ZP3: variants seen among roughly 807,000 people sequenced by gnomAD.
ZP3 encodes the protein zona pellucida sperm-binding protein 3.
A neutral mutation model predicts 35.6 loss-of-function variants in ZP3; 21 were observed. That is an observed-to-expected ratio of 0.59 (90% CI 0.42 to 0.85). ZP3 has a LOEUF of 0.85. Ranked by LOEUF, ZP3 falls within the 40% of genes least tolerant of loss-of-function variation. The probability of loss-of-function intolerance (pLI) is 0.00; values close to 1 mark genes in which losing one functional copy is unlikely to be tolerated. For missense variants in ZP3, 437 were observed against 536.5 expected (o/e 0.81, Z 1.83); for synonymous variants, 207 against 214.5 (o/e 0.96, Z 0.31).
chr7:76,398,866 G>T, intron 1 of ZP3: 2 of 1,546,536 alleles, frequency 1.3e-6, no homozygotes, highest in South Asian at 1.1e-5. Flanking sequence ...GGTGTTTAAG[G>T]GGCAGGAGGA....
At chr7:76,430,338 G>C (rs147268678) in intron 2 of ZP3, among the ~76,000 whole-genome samples, 198 of 152,342 alleles carry the variant, frequency 1.3e-3, no homozygotes, top group African/African-American at 4.5e-3. Flanking sequence ...CCTGAAGTGG[G>C]AGGAGAAACT....
intron 1 of ZP3, among the ~76,000 whole-genome samples, chr7:76,412,962 C>CTTTTTTTTTTTTTTTTTTTTTTTTTT (rs201143080): frequency 8.8e-6 from 1 of 113,760 alleles, no homozygotes; most frequent in Non-Finnish European, 1.7e-5. Flanking sequence ...TCTTCTTCTT[C>CTTTTTTTTTTTTTTTTTTTTTTTTTT]TTCTTTTTTT....
intron 1 of ZP3, among the ~76,000 whole-genome samples, chr7:76,428,062 C>T (rs1388183913): frequency 1.3e-5 from 2 of 151,584 alleles, no homozygotes; most frequent in Non-Finnish European, 2.9e-5. Context: ...CATGGTGGCT[C>T]ACACCTGTAA....
chr7:76,422,975 C>T (rs1334576280), upstream of ZP3, among the ~76,000 whole-genome samples: 9 of 136,332 alleles, frequency 6.6e-5, no homozygotes, highest in South Asian at 4.7e-4. Context: ...CCAGCCTGGG[C>T]GACAGAATGA....
Position 76,440,603 on chromosome 7 carries a change from G to A in ZP3, c.1052G>A (p.Arg351His), listed in dbSNP as rs377699467. The change falls in exon 7 of 8, where the codon CGC becomes CAC. Residue 351 changes from arginine (R) to histidine (H), a missense_variant. Transcript: ENST00000394857. ...TGGTCCAGGTCTGCTTCCCGTAACC[G>A]CAGGCATGGTATGTCACAGAATGGC... ...SQWSRSASRN[R>H]RHVTEEADVT... 18 of 1,611,882 alleles carry A rather than the reference G, an allele frequency of 1.1e-5. No homozygotes were observed. The highest frequency in any genetic ancestry group is 8.9e-5 in the East Asian group (4 of 44,820).
chr7:76,425,534 A>ACT (rs1023051592), intron 1 of ZP3, among the ~76,000 whole-genome samples: 1 of 151,532 alleles, frequency 6.6e-6, no homozygotes, highest in Non-Finnish European at 1.5e-5. Context: ...AAGCCACGCC[A>ACT]CTCTCTCTCA....
intron 1 of ZP3, among the ~76,000 whole-genome samples, chr7:76,416,130 C>CA (rs1445618749): frequency 8.6e-5 from 12 of 139,248 alleles, no homozygotes; most frequent in East Asian, 2.2e-4. Context: ...AACTCCGTCT[C>CA]AAAAAAAAAG....
intron 7 of ZP3, 129 bp downstream of exon 7, chr7:76,440,740 A>G (rs1584077479): frequency 2.1e-6 from 3 of 1,429,464 alleles, no homozygotes; most frequent in East Asian, 4.9e-5. Context: ...GCCTGCAGCT[A>G]CCTTTCCCTA....
intron 1 of ZP3, among the ~76,000 whole-genome samples, chr7:76,410,191 C>G (rs981012969): frequency 6.6e-6 from 1 of 151,960 alleles, no homozygotes; most frequent in African/African-American, 2.4e-5. Flanking sequence ...ACCACCATGC[C>G]AGGCTAATTT....
intron 3 of ZP3, 71 bp downstream of exon 3, chr7:76,433,101 T>C: frequency 7.9e-7 from 1 of 1,269,734 alleles, no homozygotes; most frequent in Non-Finnish European, 1.1e-6. Context: ...CCCTTGGCTG[T>C]GTCTTTTTTT....
intron 1 of ZP3, among the ~76,000 whole-genome samples, chr7:76,417,864 TC>T (rs902416208): frequency 6.6e-6 from 1 of 151,320 alleles, no homozygotes; most frequent in African/African-American, 2.4e-5. Flanking sequence ...TCCTCCCAGC[TC>T]CACCTCCCAA....
chr7:76,435,624 G>A (rs1183336837), intron 5 of ZP3, among the ~76,000 whole-genome samples: 2 of 152,258 alleles, frequency 1.3e-5, no homozygotes, highest in South Asian at 2.1e-4. Context: ...CACTCTATTG[G>A]GGTAGGGCAT....
At chr7:76,440,043 C>T (rs1336210635) in intron 5 of ZP3, 2 of 648,656 alleles carry the variant, frequency 3.1e-6, no homozygotes, top group Admixed American at 3.0e-5. Context: ...GATGGGGTTT[C>T]ACCATGTTGG....
upstream of ZP3, among the ~76,000 whole-genome samples, chr7:76,421,313 C>A (rs1002799987): frequency 1.3e-5 from 2 of 152,024 alleles, no homozygotes; most frequent in African/African-American, 2.4e-5. Flanking sequence ...CTCACTGAAG[C>A]TTAGAACTCC....
intron 1 of ZP3, among the ~76,000 whole-genome samples, chr7:76,418,650 G>A (rs541811111): frequency 1.2e-4 from 18 of 150,818 alleles, no homozygotes; most frequent in Admixed American, 2.7e-4. Context: ...AGGTCAGGCG[G>A]TCGAGACCAT....
chr7:76,435,316 C>T (rs1234592112), intron 5 of ZP3, among the ~76,000 whole-genome samples: 1 of 152,256 alleles, frequency 6.6e-6, no homozygotes, highest in Non-Finnish European at 1.5e-5. Context: ...CCATGCCTGG[C>T]TAATTTTTTT....
chr7:76,421,164 G>C (rs1277996342), upstream of ZP3, among the ~76,000 whole-genome samples: 2 of 152,070 alleles, frequency 1.3e-5, no homozygotes, highest in Non-Finnish European at 1.5e-5. Context: ...TTAAACTCCT[G>C]ACCTCGTGAT....
chr7:76,432,405 C>T (rs1215440671), intron 2 of ZP3, among the ~76,000 whole-genome samples: 5 of 152,214 alleles, frequency 3.3e-5, no homozygotes, highest in East Asian at 1.9e-4. Context: ...AGGATGGTCT[C>T]GATCTCCTGA....
rs114691990 is a variant in ZP3, at chr7:76,425,087, C to T, written c.123C>T (p.Pro41=). The change falls in exon 1 of 8, where the codon CCC becomes CCT. Residue 41 remains proline, a synonymous_variant. Coordinates refer to ENST00000394857, the MANE Select transcript of ZP3 (RefSeq NM_001110354.2). ...GASHPETSVQ[P]VLVECQEATL... ...GCCATCCTGAGACGTCCGTACAGCC[C>T]GTACTGGTGGAGTGTCAGGAGGCCA... The T allele has an allele frequency of 3.0e-4, 490 of 1,613,776 alleles. No individual in the cohort carries two copies. The African/African-American group carries it at 5.8e-3, about 19-fold the overall frequency.
Sources: gnomAD v4.1 joint callset for allele counts (sites outside exome capture counted in the v4.1 genomes callset) on GRCh38, gnomAD v4.1.1 for gene constraint, MANE v1.5 for transcripts, NCBI Gene and HGNC (gene_info 2026-07-23, HGNC 2026-07-21) for gene names.